PDE3A: variants seen among roughly 807,000 people sequenced by gnomAD.
PDE3A encodes phosphodiesterase 3A.
PDE3A carries 43 observed loss-of-function variants against 98.3 expected under a neutral mutation model. The observed-to-expected ratio is 0.44, with a 90% CI of 0.34 to 0.56. PDE3A has a LOEUF of 0.56. PDE3A is among the 20% of genes least tolerant of loss of function. The probability of loss-of-function intolerance (pLI) is 0.01; values close to 1 mark genes in which losing one functional copy is unlikely to be tolerated. For missense variants in PDE3A, 1,427 were observed against 1,440.7 expected, an observed-to-expected ratio of 0.99 and a Z score of 0.15; for synonymous variants, 663 against 567.9, an observed-to-expected ratio of 1.17 and a Z score of -2.38.
intron 2 of PDE3A, among the ~76,000 whole-genome samples, chr12:20,576,846 T>TTGAC (rs1942943264): frequency 1.3e-5 from 2 of 152,080 alleles, no homozygotes; most frequent in Non-Finnish European, 2.9e-5. Context: ...ATGTGTCCAG[T>TTGAC]TGACAGAATA....
chr12:20,452,246 T>C (rs1945078151), intron 1 of PDE3A, among the ~76,000 whole-genome samples: 1 of 152,244 alleles, frequency 6.6e-6, no homozygotes, highest in Admixed American at 6.5e-5. Context: ...TTGTTCTTCT[T>C]AGTGCCTGAT....
chr12:20,536,039 C>A (rs891960226), intron 1 of PDE3A, among the ~76,000 whole-genome samples: 3 of 152,032 alleles, frequency 2.0e-5, no homozygotes, highest in African/African-American at 7.2e-5. Context: ...TAAGTACTTA[C>A]AAAATCTCCA....
At chr12:20,587,513 T>TTGAC (rs1943225579) in intron 2 of PDE3A, among the ~76,000 whole-genome samples, 2 of 152,364 alleles carry the variant, frequency 1.3e-5, no homozygotes, top group African/African-American at 4.8e-5. Flanking sequence ...TACTATTTCT[T>TTGAC]TGACAGAGAG....
At chr12:20,382,801 G>A (rs1226450162) in intron 1 of PDE3A, among the ~76,000 whole-genome samples, 1 of 151,952 alleles carries the variant, frequency 6.6e-6, no homozygotes, top group African/African-American at 2.4e-5. Context: ...GTGCCCAGCT[G>A]AACATGAATA....
chr12:20,601,215 T>C (rs539399362), intron 2 of PDE3A, among the ~76,000 whole-genome samples: 1 of 151,548 alleles, frequency 6.6e-6, no homozygotes, highest in East Asian at 2.0e-4. Flanking sequence ...TCTCAAAAGG[T>C]ATAGCTCCAA....
At chr12:20,406,879 G>A (rs781406284) in intron 1 of PDE3A, among the ~76,000 whole-genome samples, 48 of 152,096 alleles carry the variant, frequency 3.2e-4, no homozygotes, top group Non-Finnish European at 5.9e-4. Flanking sequence ...TTTGTGTATG[G>A]TTAAGATAAC....
chr12:20,531,671 G>GA (rs911562257), intron 1 of PDE3A, among the ~76,000 whole-genome samples: 22 of 150,968 alleles, frequency 1.5e-4, no homozygotes, highest in African/African-American at 4.4e-4. Flanking sequence ...TATTCTGTTG[G>GA]AAAAAAAAAT....
intron 15 of PDE3A, among the ~76,000 whole-genome samples, chr12:20,676,100 G>A (rs1468033683): frequency 6.6e-6 from 1 of 151,938 alleles, no homozygotes; most frequent in Admixed American, 6.6e-5. Flanking sequence ...CATTGCAGTT[G>A]GGTGGTTTTC....
chr12:20,650,400 G>T (rs564873379), intron 13 of PDE3A, 45 bp from the exon 14 acceptor site: 4 of 1,363,246 alleles, frequency 2.9e-6, no homozygotes, highest in Admixed American at 4.0e-5. Flanking sequence ...TTCAACTTTT[G>T]TTTTTATCAA....
At chr12:20,528,358 T>A (rs776018904) in intron 1 of PDE3A, among the ~76,000 whole-genome samples, 5 of 152,216 alleles carry the variant, frequency 3.3e-5, no homozygotes, top group Non-Finnish European at 7.3e-5. Flanking sequence ...GAATAATATA[T>A]TGTGAAATAT....
chr12:20,426,681 C>G (rs1208203044), intron 1 of PDE3A, among the ~76,000 whole-genome samples: 2 of 152,018 alleles, frequency 1.3e-5, no homozygotes, highest in Non-Finnish European at 2.9e-5. Flanking sequence ...ATATATTGCC[C>G]TAGAAAACAA....
At chr12:20,413,267 G>A (rs1031815758) in intron 1 of PDE3A, among the ~76,000 whole-genome samples, 12 of 152,196 alleles carry the variant, frequency 7.9e-5, no homozygotes, top group African/African-American at 2.4e-5. Flanking sequence ...AACCCAGAGA[G>A]TTTTCCAAGT....
At chr12:20,384,525 T>A (rs1392197034) in intron 1 of PDE3A, among the ~76,000 whole-genome samples, 1 of 151,974 alleles carries the variant, frequency 6.6e-6, no homozygotes, top group Admixed American at 6.6e-5. Context: ...TTTAAAAATT[T>A]TAATTTAATT....
intron 1 of PDE3A, among the ~76,000 whole-genome samples, chr12:20,439,482 G>A (rs991216177): frequency 2.6e-5 from 4 of 152,006 alleles, no homozygotes; most frequent in African/African-American, 7.2e-5. Context: ...AAATTTCTAC[G>A]GTAGCATTTG....
chr12:20,656,819 C>T (rs74066235), intron 15 of PDE3A, among the ~76,000 whole-genome samples: 164 of 152,260 alleles, frequency 1.1e-3, no homozygotes, highest in African/African-American at 3.8e-3. Context: ...ACGCACAGAT[C>T]CAGGCATTGG....
rs548979126 is a variant in PDE3A, at chr12:20,681,182, C to G, written c.*911C>G. 7.3e-4 allele frequency: 111 copies of G among 152,186 alleles called. No homozygotes were observed. Among genetic ancestry groups the G allele is most frequent in the African/African-American group, 2.5e-3 (104 of 41,506 alleles). 9.4% of individuals were successfully genotyped at this position (152,186 alleles called of 1,614,324 possible). On this transcript the variant is annotated 3_prime_UTR_variant, in exon 16 of 16. Coordinates refer to ENST00000359062, the MANE Select transcript of PDE3A (RefSeq NM_000921.5). The stretch of plus-strand genomic sequence containing the variant: ...GGAGCTCTATCACCAGCCTCAAACC[C>G]GAAAGACTGAGGCATTTTCCAGTCT...
chr12:20,493,179 A>G (rs1945858582), intron 1 of PDE3A, among the ~76,000 whole-genome samples: 1 of 152,100 alleles, frequency 6.6e-6, no homozygotes, highest in Non-Finnish European at 1.5e-5. Context: ...TTATGAATTA[A>G]TTTTACATGC....
At chr12:20,423,456 G>T (rs1027441906) in intron 1 of PDE3A, among the ~76,000 whole-genome samples, 1 of 152,108 alleles carries the variant, frequency 6.6e-6, no homozygotes, top group Non-Finnish European at 1.5e-5. Flanking sequence ...TAAGATTAAA[G>T]TCTTCTTTTT....
chr12:20,373,041 C>G (rs1943506603), intron 1 of PDE3A, among the ~76,000 whole-genome samples: 3 of 152,088 alleles, frequency 2.0e-5, no homozygotes, highest in Admixed American at 2.0e-4. Flanking sequence ...CTCTCTCCCT[C>G]CCTTTTTTTC....
Sources: allele counts gnomAD v4.1 joint callset (sites outside exome capture counted in the v4.1 genomes callset), GRCh38; gene constraint gnomAD v4.1.1; transcripts MANE v1.5; gene names NCBI Gene and HGNC (gene_info 2026-07-23, HGNC 2026-07-21).